The following MAGI2 variants were observed in gnomAD, a reference collection of about 807,000 sequenced individuals.
The protein encoded by MAGI2 is membrane-associated guanylate kinase, WW and PDZ domain-containing protein 2.
MAGI2 carries 35 observed loss-of-function variants against 133.3 expected under a neutral mutation model. That is an observed-to-expected ratio of 0.26 (90% confidence interval 0.20 to 0.35). The LOEUF is 0.35. Among genes scored for constraint, MAGI2 ranks in the 10% least tolerant of loss-of-function variants. The probability of loss-of-function intolerance (pLI) is 1.00; values close to 1 mark genes in which losing one functional copy is unlikely to be tolerated. For missense variants in MAGI2, 1,636 were observed against 1,863.4 expected, an observed-to-expected ratio of 0.88 and a Z score of 2.25; for synonymous variants, 729 against 710.6, an observed-to-expected ratio of 1.03 and a Z score of -0.41.
intron 16 of MAGI2, among the ~76,000 whole-genome samples, chr7:78,136,146 C>T (rs1315491245): frequency 1.3e-5 from 2 of 148,428 alleles, no homozygotes; most frequent in Admixed American, 6.7e-5. Flanking sequence ...GATGGAGTCT[C>T]ACTCTGTCGC....
chr7:79,077,776 T>G (rs1345930580), intron 1 of MAGI2, among the ~76,000 whole-genome samples: 2 of 151,966 alleles, frequency 1.3e-5, no homozygotes, highest in East Asian at 1.9e-4. Flanking sequence ...GAAAATAAAT[T>G]TTAATGGTTA....
chr7:78,960,220 G>T (rs1014769996), intron 2 of MAGI2, among the ~76,000 whole-genome samples: 4 of 152,052 alleles, frequency 2.6e-5, no homozygotes, highest in Non-Finnish European at 5.9e-5. Flanking sequence ...GGCAGGGATG[G>T]CAGCACACAA....
rs183298494 is a variant in MAGI2, at chr7:79,132,217, A to C, written c.302-125011T>G. ...TACATGGGTGAATTATATAGCGATGAATTCTGAGATTTTAGTGTACCCTTC... is the reference window on the plus strand; with the variant it reads ...TACATGGGTGAATTATATAGCGATGCATTCTGAGATTTTAGTGTACCCTTC... On this transcript the variant is annotated intron_variant, in intron 1 of 21. Coordinates refer to ENST00000354212, the MANE Select transcript of MAGI2 (RefSeq NM_012301.4). Among the ~76,000 whole-genome samples the C allele has an allele frequency of 1.6e-3, 241 of 152,182 alleles. 2 individuals are homozygous for C. Among genetic ancestry groups the C allele is most frequent in the African/African-American group, 5.5e-3 (227 of 41,534 alleles).
At chr7:78,248,828 T>C (rs2150930563) in intron 10 of MAGI2, among the ~76,000 whole-genome samples, 1 of 152,182 alleles carries the variant, frequency 6.6e-6, no homozygotes, top group South Asian at 2.1e-4. Context: ...TTTTTGGATA[T>C]GCCTCAAAAG....
intron 2 of MAGI2, among the ~76,000 whole-genome samples, chr7:78,853,601 C>G (rs1793365462): frequency 6.6e-6 from 1 of 151,928 alleles, no homozygotes; most frequent in South Asian, 2.1e-4. Flanking sequence ...AGCAATTCTC[C>G]TGCCTCGACC....
intron 6 of MAGI2, among the ~76,000 whole-genome samples, chr7:78,405,946 T>G (rs1031200894): frequency 1.3e-5 from 2 of 151,854 alleles, no homozygotes; most frequent in Non-Finnish European, 2.9e-5. Flanking sequence ...TGCAGAGAAA[T>G]GGGGAGCTGG....
At chr7:79,308,674 A>T (rs1838016133) in intron 1 of MAGI2, among the ~76,000 whole-genome samples, 1 of 152,216 alleles carries the variant, frequency 6.6e-6, no homozygotes, top group Non-Finnish European at 1.5e-5. Context: ...CAAGAAGAAC[A>T]TGCCTTAAAG....
intron 1 of MAGI2, among the ~76,000 whole-genome samples, chr7:79,092,980 T>C (rs553306297): frequency 6.6e-6 from 1 of 152,274 alleles, no homozygotes; most frequent in East Asian, 1.9e-4. Flanking sequence ...AGAAATAAAT[T>C]TATGAATACA....
chr7:79,366,492 T>A (rs1317635226), intron 1 of MAGI2, among the ~76,000 whole-genome samples: 1 of 152,078 alleles, frequency 6.6e-6, no homozygotes, highest in Non-Finnish European at 1.5e-5. Context: ...GTGATGAATA[T>A]GAAAACCTAC....
At chr7:79,165,899 G>C (rs1234944917) in intron 1 of MAGI2, among the ~76,000 whole-genome samples, 2 of 151,976 alleles carry the variant, frequency 1.3e-5, no homozygotes, top group Non-Finnish European at 2.9e-5. Context: ...TAGCAGAGGA[G>C]GTAACTACAA....
rs1554441619 is a variant in MAGI2, at chr7:78,085,550, C to CACACACACACA, written c.3568-6466_3568-6465insTGTGTGTGTGT. 1.1e-3 allele frequency among the ~76,000 whole-genome samples: 136 copies of CACACACACACA among 121,032 alleles called. 2 individuals carry two copies. The highest frequency in any genetic ancestry group is 8.8e-3 in the Middle Eastern group (2 of 228). 79.4% of individuals were successfully genotyped at this position (121,032 alleles called of 152,430 possible). On this transcript the variant is annotated intron_variant, in intron 20 of 21. Coordinates refer to ENST00000354212, the MANE Select transcript of MAGI2 (RefSeq NM_012301.4). ...AAAACAAAACAAAATAATAAAACTC[C>CACACACACACA]CACACACACACACACACACACACAC...
At chr7:78,534,723 T>C (rs777578090) in intron 3 of MAGI2, among the ~76,000 whole-genome samples, 20 of 152,200 alleles carry the variant, frequency 1.3e-4, no homozygotes, top group Admixed American at 4.6e-4. Context: ...GACCTTTGTT[T>C]CTAGACTGAT....
At chr7:78,779,147 C>G (rs1347131944) in intron 2 of MAGI2, among the ~76,000 whole-genome samples, 1 of 152,140 alleles carries the variant, frequency 6.6e-6, no homozygotes, top group East Asian at 1.9e-4. Flanking sequence ...ACCTCGTTAT[C>G]TGCCTGCTTC....
Position 78,624,873 on chromosome 7 carries a change from A to G in MAGI2, c.538+2247T>C, listed in dbSNP as rs148877884. ...TATTACTGGCTTAGATAATTACTGTATTTTACTTTTTATTGTTATTTTAGG... is the reference window on the plus strand; with the variant it reads ...TATTACTGGCTTAGATAATTACTGTGTTTTACTTTTTATTGTTATTTTAGG... On this transcript the variant is annotated intron_variant, in intron 3 of 21. Coordinates refer to ENST00000354212, the MANE Select transcript of MAGI2 (RefSeq NM_012301.4). Among the ~76,000 whole-genome samples, 1,043 of 152,230 alleles carry G rather than the reference A, an allele frequency of 6.9e-3. 14 individuals are homozygous for G. The highest frequency in any genetic ancestry group is 0.019 in the African/African-American group (770 of 41,540).
intron 1 of MAGI2, among the ~76,000 whole-genome samples, chr7:79,075,280 G>C (rs565744121): frequency 1.3e-5 from 2 of 152,048 alleles, no homozygotes; most frequent in East Asian, 3.9e-4. Flanking sequence ...GAATGCCTTA[G>C]AGCAATCATG....
intron 21 of MAGI2, among the ~76,000 whole-genome samples, chr7:78,034,743 G>T (rs1409680435): frequency 6.6e-6 from 1 of 152,136 alleles, no homozygotes; most frequent in Non-Finnish European, 1.5e-5. Context: ...GGCCAGGCTG[G>T]TCTTGAACTC....
chr7:78,250,625 A>T (rs1323390521), intron 10 of MAGI2, among the ~76,000 whole-genome samples: 1 of 152,116 alleles, frequency 6.6e-6, no homozygotes, highest in Non-Finnish European at 1.5e-5. Flanking sequence ...AAATTTTATT[A>T]AAAACTTTAT....
chr7:78,914,142 C>T (rs1008402820), intron 2 of MAGI2, among the ~76,000 whole-genome samples: 4 of 152,158 alleles, frequency 2.6e-5, no homozygotes, highest in Non-Finnish European at 5.9e-5. Flanking sequence ...TGGTGGTTTA[C>T]TTGCCCCTTC....
intron 1 of MAGI2, among the ~76,000 whole-genome samples, chr7:79,142,339 A>C (rs1468528589): frequency 1.3e-5 from 2 of 152,144 alleles, no homozygotes; most frequent in Non-Finnish European, 2.9e-5. Flanking sequence ...TCTTTACTCC[A>C]CCAACACCTG....
Sources: allele counts gnomAD v4.1 joint callset (sites outside exome capture counted in the v4.1 genomes callset), GRCh38; gene constraint gnomAD v4.1.1; transcripts MANE v1.5; gene names NCBI Gene and HGNC (gene_info 2026-07-23, HGNC 2026-07-21).